The following UGT3A1 variants were observed in gnomAD, a reference collection of about 807,000 sequenced individuals.
UGT3A1 encodes UDP glycosyltransferase family 3 member A1.
In UGT3A1, 40 loss-of-function variants were observed where a neutral mutation model predicts 37.6. The ratio of observed to expected loss-of-function variants is 1.06; its 90% CI spans 0.83 to 1.38. UGT3A1 has a LOEUF of 1.38. Among genes scored for constraint, UGT3A1 ranks in the 40% most tolerant of loss-of-function variants. The pLI is 0.00. For missense variants in UGT3A1, 642 were observed against 634.2 expected, an observed-to-expected ratio of 1.01 and a Z score of -0.13; for synonymous variants, 256 against 232.3, an observed-to-expected ratio of 1.10 and a Z score of -0.93.
At chr5:35,964,508 A>G (rs1469293776) in intron 4 of UGT3A1, among the ~76,000 whole-genome samples, 1 of 152,126 alleles carries the variant, frequency 6.6e-6, no homozygotes, top group Non-Finnish European at 1.5e-5. Flanking sequence ...CTTCCTGTTT[A>G]CTCAATATAA....
chr5:35,975,799 C>T (rs1740244755), intron 2 of UGT3A1, among the ~76,000 whole-genome samples: 1 of 152,206 alleles, frequency 6.6e-6, no homozygotes, highest in East Asian at 1.9e-4. Context: ...CACCCATTAA[C>T]ACGTCATTTA....
chr5:35,951,484 T>C lies in UGT3A1; in HGVS notation c.*2718A>G, dbSNP rs1739199917. 1 of 152,248 alleles carries C rather than the reference T, an allele frequency of 6.6e-6. No homozygotes were observed. The highest frequency in any genetic ancestry group is 2.4e-5 in the African/African-American group (1 of 41,474). 9.4% of individuals were successfully genotyped at this position (152,248 alleles called of 1,614,324 possible). On this transcript the variant is annotated 3_prime_UTR_variant, in exon 7 of 7. Transcript: ENST00000274278. ...AACCATATTGGAATTTGCTCCATAT[T>C]AGCTTATTCTGCTTTTGTTTATTGT...
Position 35,957,287 on chromosome 5 carries a change from C to T in UGT3A1, c.976G>A (p.Gly326Arg), listed in dbSNP as rs760265410. ...GAACTCTGACATGTCCATATCACTC[C>T]TTGAGGGAGGTGGGCAAAGGCATTG... ...MHNAFAHLPQ[G>R]VIWTCQSSHW... is the part of the protein sequence containing the mutation. The change falls in exon 5 of 7, where the codon GGA becomes AGA. Residue 326 changes from glycine to arginine, a missense_variant. Coordinates refer to ENST00000274278, the MANE Select transcript of UGT3A1 (RefSeq NM_152404.4). 4.3e-6 allele frequency: 7 copies of T among 1,614,154 alleles called. No individual in the cohort carries two copies. The South Asian group carries it at 7.7e-5, about 18-fold the overall frequency.
chr5:35,968,134 C>A lies in UGT3A1; in HGVS notation c.197-1G>T. ...TATGATTTTTCCTCCTCTTTAATAT[C>A]TAAGAAAACACCAATTGGTTAAAAA... On this transcript the variant is annotated splice_acceptor_variant, in intron 2 of 6. Coordinates refer to ENST00000274278, the MANE Select transcript of UGT3A1 (RefSeq NM_152404.4). LOFTEE classifies it high-confidence loss of function. 1 of 1,584,240 alleles carries A rather than the reference C, an allele frequency of 6.3e-7. No homozygotes were observed. The highest frequency in any genetic ancestry group is 8.7e-7 in the Non-Finnish European group (1 of 1,155,120).
chr5:35,955,003 A>C (rs1739298432), intron 6 of UGT3A1: 1 of 159,660 alleles, frequency 6.3e-6, no homozygotes, highest in African/African-American at 2.4e-5. Context: ...AACAGAGTTG[A>C]AAAAAAGAGA....
chr5:35,963,043 T>C, intron 4 of UGT3A1: 1 of 661,668 alleles, frequency 1.5e-6, no homozygotes, highest in Non-Finnish European at 2.7e-6. Flanking sequence ...CAAGGGACTT[T>C]CTCTTCCATC....
intron 2 of UGT3A1, among the ~76,000 whole-genome samples, chr5:35,985,331 A>G (rs1740689477): frequency 6.6e-6 from 1 of 152,098 alleles, no homozygotes; most frequent in African/African-American, 2.4e-5. Context: ...AATATCAATG[A>G]CATTATTCAC....
chr5:35,964,922 C>T (rs1055272980), intron 4 of UGT3A1, among the ~76,000 whole-genome samples: 1 of 152,210 alleles, frequency 6.6e-6, no homozygotes, highest in African/African-American at 2.4e-5. Flanking sequence ...AGGCAGGGAA[C>T]ACTGGAGATA....
intron 1 of UGT3A1, among the ~76,000 whole-genome samples, chr5:35,990,581 A>C (rs28434403): frequency 0.79 from 119,709 of 151,964 alleles, 47,381 homozygotes; most frequent in South Asian, 0.85. Flanking sequence ...CTCTCCTCAG[A>C]CCTGGGCAGT....
At chr5:35,977,754 T>G (rs1740350297) in intron 2 of UGT3A1, among the ~76,000 whole-genome samples, 1 of 152,192 alleles carries the variant, frequency 6.6e-6, no homozygotes, top group South Asian at 2.1e-4. Context: ...CAATGTGAAA[T>G]GAACTAATAC....
chr5:35,955,512 T>C, intron 6 of UGT3A1, 133 bp downstream of exon 6: 3 of 1,012,500 alleles, frequency 3.0e-6, no homozygotes, highest in Non-Finnish European at 4.4e-6. Flanking sequence ...ACAGGTGGGC[T>C]GTTAGCATCA....
intron 6 of UGT3A1, chr5:35,954,765 T>TAAGCATCCTAGG (rs1277523247): frequency 3.5e-5 from 15 of 432,734 alleles, no homozygotes; most frequent in Non-Finnish European, 6.2e-5. Context: ...CCTAGGATGC[T>TAAGCATCCTAGG]TATGGTATAC....
At chr5:35,961,667 C>T (rs1178063395) in intron 4 of UGT3A1, 1 of 152,166 alleles carries the variant, frequency 6.6e-6, no homozygotes, top group African/African-American at 2.4e-5. Flanking sequence ...AATGCTTCTG[C>T]CTCTTTCTTG....
intron 2 of UGT3A1, among the ~76,000 whole-genome samples, chr5:35,971,926 C>G (rs1157449154): frequency 1.3e-5 from 2 of 152,120 alleles, no homozygotes; most frequent in Non-Finnish European, 2.9e-5. Context: ...TGCCACTTAA[C>G]CATGACCCAC....
chr5:35,998,461 T>C (rs546255007), intron 1 of UGT3A1, among the ~76,000 whole-genome samples: 69 of 152,354 alleles, frequency 4.5e-4, no homozygotes, highest in African/African-American at 1.6e-3. Flanking sequence ...ATACTCAAGA[T>C]CTGTCAGCTG....
upstream of UGT3A1, among the ~76,000 whole-genome samples, chr5:35,995,937 C>T (rs75449906): frequency 0.056 from 8,407 of 151,136 alleles, 820 homozygotes; most frequent in African/African-American, 0.19. Context: ...ATTTAGCCAC[C>T]CTTGTAAAAT....
At chr5:35,973,841 G>T (rs558469852) in intron 2 of UGT3A1, among the ~76,000 whole-genome samples, 1 of 152,126 alleles carries the variant, frequency 6.6e-6, no homozygotes, top group Non-Finnish European at 1.5e-5. Context: ...GGTAGGCATG[G>T]TTACCATGAG....
intron 2 of UGT3A1, among the ~76,000 whole-genome samples, chr5:35,979,591 T>C (rs1282925091): frequency 6.6e-6 from 1 of 152,160 alleles, no homozygotes; most frequent in Admixed American, 6.5e-5. Context: ...AACAAGCCTC[T>C]AGGAAGTTCC....
At chr5:35,967,297 G>C (rs948538924) in intron 3 of UGT3A1, among the ~76,000 whole-genome samples, 1 of 152,180 alleles carries the variant, frequency 6.6e-6, no homozygotes, top group Non-Finnish European at 1.5e-5. Context: ...AATTAGATTT[G>C]AGCACCACCT....
Sources: allele counts gnomAD v4.1 joint callset (sites outside exome capture counted in the v4.1 genomes callset), GRCh38; gene constraint gnomAD v4.1.1; transcripts MANE v1.5; gene names NCBI Gene and HGNC (gene_info 2026-07-23, HGNC 2026-07-21).